The following PSMD11 variants were observed in gnomAD, a reference collection of about 807,000 sequenced individuals.
PSMD11 encodes the protein proteasome 26S subunit, non-ATPase 11.
Under a neutral mutation model 62.3 loss-of-function variants are expected in PSMD11, and 5 were observed. The ratio of observed to expected loss-of-function variants is 0.08; its 90% CI spans 0.04 to 0.17. The LOEUF is 0.17. PSMD11 is among the 10% of genes least tolerant of loss of function. PSMD11 has a pLI of 1.00. For synonymous variants in PSMD11, 191 were observed against 191.8 expected (o/e 1.00, Z 0.03); for missense variants, 310 against 512.9 (o/e 0.60, Z 3.82).
At position 32,481,746 on chromosome 17, in the gene PSMD11, G is replaced by A. The variant is rs1016427323; in HGVS notation, c.*994G>A. On this transcript the variant is annotated 3_prime_UTR_variant, in exon 14 of 14. Coordinates refer to ENST00000261712, the MANE Select transcript of PSMD11 (RefSeq NM_002815.4). ...ACTCCTCCTCTCCTACTTTCAGATG[G>A]ATTTATTCCTTTTTTAAACAATGAA... is the stretch of plus-strand genomic sequence containing the variant. The A allele has an allele frequency of 3.3e-5, 5 of 152,122 alleles. No individual in the cohort carries two copies. The highest frequency in any genetic ancestry group is 2.1e-4 in the South Asian group (1 of 4,816). The allele number at this position is 152,122 out of a possible 1,614,324, so 9.4% of individuals were successfully genotyped here. A position where few individuals can be genotyped will look rare whatever the true frequency, so the allele number is the denominator to read the frequency against.
At position 32,474,751 on chromosome 17, in the gene PSMD11, T is replaced by C. The variant is rs1025606127; in HGVS notation, c.789-13T>C. ...CATCTGCAGCAATTGACCAAGTATG[T>C]CTTTTTTTCTAGCCCAGAAGATGTC... On this transcript the variant is annotated splice_polypyrimidine_tract_variant and intron_variant, in intron 7 of 13. Coordinates refer to ENST00000261712, the MANE Select transcript of PSMD11 (RefSeq NM_002815.4). The C allele has an allele frequency of 1.9e-6, 3 of 1,613,758 alleles. No individual in the cohort carries two copies. The highest frequency in any genetic ancestry group is 2.5e-6 in the Non-Finnish European group (3 of 1,179,764).
At chr17:32,446,358 T>G (rs1169964917) in intron 1 of PSMD11, among the ~76,000 whole-genome samples, 1 of 152,190 alleles carries the variant, frequency 6.6e-6, no homozygotes, top group Non-Finnish European at 1.5e-5. Flanking sequence ...AAAGCAGCAG[T>G]CTCCCCTAAG....
At position 32,458,659 on chromosome 17, in the gene PSMD11, C is replaced by T. The variant is rs184095135; in HGVS notation, c.318+4040C>T. Among the ~76,000 whole-genome samples, 270 of 152,322 alleles carry T rather than the reference C, an allele frequency of 1.8e-3. 2 individuals are homozygous for T. The highest frequency in any genetic ancestry group is 6.8e-3 in the Middle Eastern group (2 of 294). On this transcript the variant is annotated intron_variant, in intron 3 of 13. Coordinates refer to ENST00000261712, the MANE Select transcript of PSMD11 (RefSeq NM_002815.4). ...GCAGTACCACAGAGCCTTCCTCATT[C>T]CCAGTACAGTTCAAATTCCTTAACC...
At chr17:32,458,352 C>T (rs1907710949) in intron 3 of PSMD11, among the ~76,000 whole-genome samples, 2 of 152,202 alleles carry the variant, frequency 1.3e-5, no homozygotes, top group South Asian at 2.1e-4. Flanking sequence ...CAGGACTCTA[C>T]TAAGCATATC....
At chr17:32,450,822 C>T (rs1907471310) in intron 2 of PSMD11, among the ~76,000 whole-genome samples, 1 of 151,924 alleles carries the variant, frequency 6.6e-6, no homozygotes, top group Admixed American at 6.6e-5. Context: ...CTTTGGGAAG[C>T]TGAGGTGGGA....
In PSMD11 at chr17:32,450,278, C is replaced by T. The variant is rs143546544; in HGVS notation, c.193+3232C>T. On this transcript the variant is annotated intron_variant, in intron 2 of 13. Coordinates refer to ENST00000261712, the MANE Select transcript of PSMD11 (RefSeq NM_002815.4). ...GCCTGGCCTTTTTTTTTTTTGAGAC[C>T]GAGTTTCATTCTGTTGCCCAGGCTG... Among the ~76,000 whole-genome samples, 247 of 150,738 alleles carry T rather than the reference C, an allele frequency of 1.6e-3. 6 individuals carry two copies. The South Asian group carries it at 0.032, about 19-fold the overall frequency.
At chr17:32,478,741 C>A (rs139205911) in intron 9 of PSMD11, among the ~76,000 whole-genome samples, 1 of 152,118 alleles carries the variant, frequency 6.6e-6, no homozygotes, top group African/African-American at 2.4e-5. Flanking sequence ...CCATGGAGAC[C>A]CTATTTATTC....
chr17:32,468,945 A>G (rs1908076999), intron 5 of PSMD11, 54 bp from the exon 6 acceptor site: 2 of 1,493,602 alleles, frequency 1.3e-6, no homozygotes, highest in African/African-American at 1.4e-5. Flanking sequence ...AGAGTGAGCT[A>G]TTATTAGGTA....
At chr17:32,453,765 T>A (rs1907571432) in intron 2 of PSMD11, among the ~76,000 whole-genome samples, 1 of 152,246 alleles carries the variant, frequency 6.6e-6, no homozygotes, top group African/African-American at 2.4e-5. Flanking sequence ...TAGTTTATTG[T>A]TTCAAAAGAT....
chr17:32,446,820 T>TA (rs1907345668), intron 1 of PSMD11, 125 bp from the exon 2 acceptor site: 1 of 470,826 alleles, frequency 2.1e-6, no homozygotes, highest in African/African-American at 2.1e-5. Context: ...TTTTTTTTTT[T>TA]AACTCTAGAA....
chr17:32,480,855 C>T lies in PSMD11; in HGVS notation c.*103C>T. On this transcript the variant is annotated 3_prime_UTR_variant, in exon 14 of 14. Coordinates refer to ENST00000261712, the MANE Select transcript of PSMD11 (RefSeq NM_002815.4). ...TTTTTTCTTTTTGTTCTACTTTTCG[C>T]TCGGAAAGTTTTTAAATCCTCATTT... 2 of 482,298 alleles carry T rather than the reference C, an allele frequency of 4.1e-6. No homozygotes were observed. The highest frequency in any genetic ancestry group is 3.5e-6 in the Non-Finnish European group (1 of 285,470). The allele number at this position is 482,298 out of a possible 1,614,324, so 29.9% of individuals were successfully genotyped here.
chr17:32,475,332 T>C (rs930123425), intron 8 of PSMD11, among the ~76,000 whole-genome samples: 31 of 130,906 alleles, frequency 2.4e-4, no homozygotes, highest in African/African-American at 6.5e-4. Flanking sequence ...AAAGAGGCCC[T>C]TTTTTTTTTT....
intron 6 of PSMD11, among the ~76,000 whole-genome samples, chr17:32,471,912 A>T (rs1462339100): frequency 1.5e-4 from 23 of 151,100 alleles, no homozygotes; most frequent in Non-Finnish European, 8.8e-5. Flanking sequence ...TTTTTCACCC[A>T]TGCTGCAGTG....
chr17:32,478,563 A>G (rs1355952116), intron 9 of PSMD11, among the ~76,000 whole-genome samples: 1 of 152,184 alleles, frequency 6.6e-6, no homozygotes. Flanking sequence ...GATATTTGGG[A>G]AATACTAGGG....
At chr17:32,463,627 C>T (rs1305634054) in intron 3 of PSMD11, 1 of 164,078 alleles carries the variant, frequency 6.1e-6, no homozygotes, top group Non-Finnish European at 1.3e-5. Context: ...AGGAATGAGG[C>T]ATTAGTGCTT....
Position 32,447,371 on chromosome 17 carries a change from T to G in PSMD11, c.193+325T>G. On this transcript the variant is annotated intron_variant, in intron 2 of 13. Coordinates refer to ENST00000261712, the MANE Select transcript of PSMD11 (RefSeq NM_002815.4). ...AATTTCACTGAGCAACTCTGATGTA[T>G]TTAAGATAGATAACAACTTTAAGCG... 1.1e-5 allele frequency: 2 copies of G among 179,928 alleles called. 1 individual carries two copies. The highest frequency in any genetic ancestry group is 3.5e-4 in the South Asian group (2 of 5,778). 11.1% of individuals were successfully genotyped at this position (179,928 alleles called of 1,614,324 possible). A position where few individuals can be genotyped will look rare whatever the true frequency, so the allele number is the denominator to read the frequency against.
At chr17:32,459,983 A>C (rs1007497700) in intron 3 of PSMD11, among the ~76,000 whole-genome samples, 2 of 152,110 alleles carry the variant, frequency 1.3e-5, no homozygotes, top group East Asian at 3.9e-4. Flanking sequence ...ATAGACAAGC[A>C]AGTCATAGGT....
intron 2 of PSMD11, among the ~76,000 whole-genome samples, chr17:32,450,229 G>C (rs1907448896): frequency 6.6e-6 from 1 of 151,062 alleles, no homozygotes; most frequent in Non-Finnish European, 1.5e-5. Flanking sequence ...TCAAAGTGTT[G>C]TGATTATAGG....
chr17:32,480,973 AAAAAG>A lies in PSMD11; in HGVS notation c.*226_*230del. On this transcript the variant is annotated 3_prime_UTR_variant, in exon 14 of 14. Transcript: ENST00000261712. Reference sequence around the variant, plus strand: ...GTGGGGAAATTGCTTAAAAAAAAAGAAAAAGAAAAAAAAAAAGATTATTCTAAATA... The same window carrying A: ...GTGGGGAAATTGCTTAAAAAAAAAGAAAAAAAAAAAAGATTATTCTAAATA... The A allele has an allele frequency of 1.1e-5, 2 of 188,360 alleles. No homozygotes were observed. The highest frequency in any genetic ancestry group is 2.2e-5 in the Non-Finnish European group (2 of 91,786). The allele number at this position is 188,360 out of a possible 1,614,324, so 11.7% of individuals were successfully genotyped here. A position where few individuals can be genotyped will look rare whatever the true frequency, so the allele number is the denominator to read the frequency against.
Sources: gnomAD v4.1 joint callset for allele counts (sites outside exome capture counted in the v4.1 genomes callset) on GRCh38, gnomAD v4.1.1 for gene constraint, MANE v1.5 for transcripts, NCBI Gene and HGNC (gene_info 2026-07-23, HGNC 2026-07-21) for gene names.